Variants in PRKG1 observed in about 807,000 individuals in gnomAD.
The protein encoded by PRKG1 is cGMP-dependent protein kinase 1.
PRKG1 carries 35 observed loss-of-function variants against 88.1 expected under a neutral mutation model. That is an observed-to-expected ratio of 0.40 (90% CI 0.30 to 0.53). PRKG1 has a LOEUF of 0.53. Ranked by LOEUF, PRKG1 falls within the 20% of genes least tolerant of loss-of-function variation. The pLI, the probability that PRKG1 is intolerant of heterozygous loss-of-function variation, is 0.59. For synonymous variants in PRKG1, 303 were observed against 292.5 expected (o/e 1.04, Z -0.37); for missense variants, 540 against 839.8 (o/e 0.64, Z 4.41).
chr10:51,301,226 T>C (rs1840876500), intron 2 of PRKG1, among the ~76,000 whole-genome samples: 1 of 152,172 alleles, frequency 6.6e-6, no homozygotes, highest in East Asian at 1.9e-4. Flanking sequence ...CCATGCTGAG[T>C]TCATTTTACT....
intron 3 of PRKG1, among the ~76,000 whole-genome samples, chr10:51,512,530 T>G (rs1457292423): frequency 1.2e-4 from 13 of 105,346 alleles, no homozygotes; most frequent in Non-Finnish European, 1.8e-4. Flanking sequence ...GAACTCATCA[T>G]TTTTTATGGC....
chr10:52,079,677 C>T (rs1846719991), intron 7 of PRKG1, among the ~76,000 whole-genome samples: 1 of 152,128 alleles, frequency 6.6e-6, no homozygotes, highest in East Asian at 1.9e-4. Flanking sequence ...ATGTGGGCTA[C>T]TCATGGTTTG....
chr10:51,188,306 T>C (rs1002658151), intron 2 of PRKG1, among the ~76,000 whole-genome samples: 31 of 151,996 alleles, frequency 2.0e-4, no homozygotes, highest in Admixed American at 1.2e-3. Flanking sequence ...TAGAAATACA[T>C]GAGGCTTTTC....
At chr10:51,616,984 G>T (rs1839074486) in intron 3 of PRKG1, among the ~76,000 whole-genome samples, 1 of 152,164 alleles carries the variant, frequency 6.6e-6, no homozygotes, top group Non-Finnish European at 1.5e-5. Flanking sequence ...TGGTGGCAGG[G>T]CTCTAAAATG....
At chr10:51,074,450 C>A, upstream of PRKG1, 1 of 1,457,036 alleles carries the variant, frequency 6.9e-7, no homozygotes, top group South Asian at 1.5e-5. Context: ...TGCTCAGAAG[C>A]CAGGGCTGGC....
intron 5 of PRKG1, among the ~76,000 whole-genome samples, chr10:51,989,593 TA>T (rs11458678): frequency 2.5e-4 from 37 of 149,072 alleles, no homozygotes; most frequent in Middle Eastern, 3.5e-3. Context: ...CCAATGATGA[TA>T]AAAAAAAAAA....
At chr10:51,319,731 A>G (rs1406724875) in intron 2 of PRKG1, 6 of 152,224 alleles carry the variant, frequency 3.9e-5, no homozygotes, top group African/African-American at 1.4e-4. Context: ...CAAGTTCAAA[A>G]AGAAAGGTTG....
At chr10:51,704,238 C>CAGATAGATAGAT (rs1396806175) in intron 3 of PRKG1, among the ~76,000 whole-genome samples, 1 of 144,232 alleles carries the variant, frequency 6.9e-6, no homozygotes, top group African/African-American at 2.8e-5. Context: ...GATAGATAGA[C>CAGATAGATAGAT]AGACAGACAG....
chr10:52,065,690 T>C (rs1846339879), intron 7 of PRKG1, among the ~76,000 whole-genome samples: 1 of 152,160 alleles, frequency 6.6e-6, no homozygotes, highest in Non-Finnish European at 1.5e-5. Context: ...TTTTTTTCAA[T>C]GTCAAAGTTG....
At chr10:52,121,902 T>C (rs1453754811) in intron 7 of PRKG1, among the ~76,000 whole-genome samples, 3 of 151,850 alleles carry the variant, frequency 2.0e-5, no homozygotes, top group African/African-American at 7.2e-5. Flanking sequence ...TTGAAATTCT[T>C]TCAGCTTTTA....
intron 4 of PRKG1, among the ~76,000 whole-genome samples, chr10:51,886,008 G>C (rs987335248): frequency 6.6e-6 from 1 of 152,120 alleles, no homozygotes; most frequent in Admixed American, 6.5e-5. Flanking sequence ...ACCTAAGTAA[G>C]GTTTCTTTTC....
At chr10:52,253,320 A>T (rs1024183424) in intron 10 of PRKG1, 3 of 152,064 alleles carry the variant, frequency 2.0e-5, no homozygotes, top group Admixed American at 1.3e-4. Flanking sequence ...GAGATATTAC[A>T]TGAAATATAG....
chr10:51,506,903 A>G (rs1841225670), intron 3 of PRKG1, among the ~76,000 whole-genome samples: 1 of 152,190 alleles, frequency 6.6e-6, no homozygotes, highest in East Asian at 1.9e-4. Context: ...AACCAAGACA[A>G]ATGTCCAACA....
chr10:51,384,148 G>A (rs940251653), intron 2 of PRKG1, among the ~76,000 whole-genome samples: 3 of 152,080 alleles, frequency 2.0e-5, no homozygotes, highest in African/African-American at 4.8e-5. Context: ...CCAGAGATGG[G>A]AATGAGAAAC....
intron 1 of PRKG1, among the ~76,000 whole-genome samples, chr10:51,140,408 G>C (rs1171082496): frequency 6.6e-6 from 1 of 152,156 alleles, no homozygotes; most frequent in Non-Finnish European, 1.5e-5. Context: ...ATGAATAAAT[G>C]AATCAACAGT....
chr10:51,987,184 T>C (rs1844181528), intron 5 of PRKG1, among the ~76,000 whole-genome samples: 1 of 152,028 alleles, frequency 6.6e-6, no homozygotes, highest in South Asian at 2.1e-4. Context: ...GGTTAGTAAA[T>C]ATGTAAGTGG....
intron 2 of PRKG1, among the ~76,000 whole-genome samples, chr10:51,335,222 G>C (rs926785584): frequency 6.6e-6 from 1 of 151,434 alleles, no homozygotes; most frequent in Admixed American, 6.6e-5. Flanking sequence ...CCGCTTGTCA[G>C]GTTTCTTAAT....
At chr10:51,800,815 A>T (rs947243575) in intron 3 of PRKG1, among the ~76,000 whole-genome samples, 1 of 151,898 alleles carries the variant, frequency 6.6e-6, no homozygotes, top group African/African-American at 2.4e-5. Flanking sequence ...TCTTTTTCTA[A>T]GGACACTAAT....
chr10:51,540,060 T>C (rs1286519183), intron 3 of PRKG1, among the ~76,000 whole-genome samples: 1 of 152,202 alleles, frequency 6.6e-6, no homozygotes, highest in Non-Finnish European at 1.5e-5. Context: ...TTTTGCCACC[T>C]GGCTCAAGAG....
Sources: allele counts gnomAD v4.1 joint callset (sites outside exome capture counted in the v4.1 genomes callset), GRCh38; gene constraint gnomAD v4.1.1; transcripts MANE v1.5; gene names NCBI Gene and HGNC (gene_info 2026-07-23, HGNC 2026-07-21).